Variants in RERE observed in about 807,000 individuals in gnomAD.
RERE encodes arginine-glutamic acid dipeptide repeats.
In RERE, 40 loss-of-function variants were observed where a neutral mutation model predicts 146.1. The observed-to-expected ratio is 0.27, with a 90% CI of 0.21 to 0.36. The LOEUF (loss-of-function observed/expected upper bound fraction) is 0.36, where lower values mean the gene tolerates loss of function less well. Among genes scored for constraint, RERE ranks in the 10% least tolerant of loss-of-function variants. The pLI is 1.00. For synonymous variants in RERE, 1,003 were observed against 866.0 expected (o/e 1.16, Z -2.78); for missense variants, 1,933 against 2,138.7 (o/e 0.90, Z 1.90).
intron 11 of RERE, among the ~76,000 whole-genome samples, chr1:8,441,334 C>T (rs537897890): frequency 2.0e-5 from 3 of 152,230 alleles, no homozygotes; most frequent in Non-Finnish European, 2.9e-5. Flanking sequence ...AAGGCACACG[C>T]TCCTGTGAGG....
chr1:8,661,785 G>GA (rs771646084), intron 1 of RERE, among the ~76,000 whole-genome samples: 9 of 152,184 alleles, frequency 5.9e-5, no homozygotes, highest in Admixed American at 1.3e-4. Flanking sequence ...AAGAAGCCTA[G>GA]AAAATCACAG....
Position 8,360,741 on chromosome 1 carries a change from G to C in RERE, c.2766C>G (p.Pro922=), listed in dbSNP as rs556444878. 5 of 1,598,726 alleles carry C rather than the reference G, an allele frequency of 3.1e-6. No homozygotes were observed. In the South Asian group the frequency reaches 5.6e-5, roughly 18 times the overall value. Residue 922 remains proline (P), a synonymous_variant, in exon 18 of 23, where the codon CCC becomes CCG. Transcript: ENST00000400908. ...PPREQPLPPA[P]LAMPHIKPPP... ...GGGGCTTGATGTGGGGCATGGCCAA[G>C]GGCGCTGGTGGCAGGGGCTGCTCCC...
chr1:8,615,614 T>C (rs1417222180), intron 3 of RERE, among the ~76,000 whole-genome samples: 1 of 152,188 alleles, frequency 6.6e-6, no homozygotes, highest in Non-Finnish European at 1.5e-5. Flanking sequence ...TGTCTTACGG[T>C]TGTCTAAAAA....
intron 7 of RERE, among the ~76,000 whole-genome samples, chr1:8,519,428 G>C (rs1366973535): frequency 2.0e-5 from 3 of 152,084 alleles, no homozygotes; most frequent in Admixed American, 2.0e-4. Flanking sequence ...GCAAGACCCT[G>C]TCGCTAATAA....
At chr1:8,707,708 C>A (rs191306025) in intron 1 of RERE, among the ~76,000 whole-genome samples, 22 of 152,292 alleles carry the variant, frequency 1.4e-4, no homozygotes, top group African/African-American at 5.1e-4. Context: ...CAAAAGTACA[C>A]CCCAACGTCA....
intron 1 of RERE, among the ~76,000 whole-genome samples, chr1:8,738,845 T>C (rs2124499208): frequency 6.6e-6 from 1 of 152,334 alleles, no homozygotes; most frequent in Non-Finnish European, 1.5e-5. Flanking sequence ...TACTGTCATC[T>C]TGTTCCTCAC....
chr1:8,536,016 G>C (rs1301496186), intron 7 of RERE, among the ~76,000 whole-genome samples: 1 of 150,350 alleles, frequency 6.7e-6, no homozygotes, highest in Non-Finnish European at 1.5e-5. Context: ...TGAGGCAGGA[G>C]AATTGCTTGA....
chr1:8,691,524 T>A (rs1208478799), intron 1 of RERE, among the ~76,000 whole-genome samples: 1 of 152,174 alleles, frequency 6.6e-6, no homozygotes, highest in East Asian at 1.9e-4. Flanking sequence ...AACATAGATC[T>A]AGGGCTCACC....
In RERE at chr1:8,495,118, T is replaced by C; in HGVS notation, c.1049A>G (p.Glu350Gly). The C allele has an allele frequency of 6.2e-7, 1 of 1,614,080 alleles. No homozygotes were observed. Among genetic ancestry groups the C allele is most frequent in the East Asian group, 2.2e-5 (1 of 44,872 alleles). The stretch of plus-strand genomic sequence containing the variant: ...CCGAGAGGCTGCGACACAGCCGTCC[T>C]CTGTAGAGCCTCCATCACACATTCC... ...FAGMCDGGST[E>G]DGCVAASRDD... The change falls in exon 10 of 23, where the codon GAG becomes GGG. Residue 350 changes from glutamate to glycine, a missense_variant. Around this residue, in one of 11 missense-constraint regions of RERE, gnomAD observed 260 missense variants for 378.4 expected, o/e 0.69. Transcript: ENST00000400908.
At chr1:8,504,374 C>A (rs1466994965) in intron 8 of RERE, among the ~76,000 whole-genome samples, 1 of 152,058 alleles carries the variant, frequency 6.6e-6, no homozygotes, top group Non-Finnish European at 1.5e-5. Flanking sequence ...CTCCTACTGG[C>A]CCAAAATGGA....
chr1:8,425,410 G>GTCTA (rs1643997314), intron 11 of RERE, among the ~76,000 whole-genome samples: 1 of 152,226 alleles, frequency 6.6e-6, no homozygotes, highest in Admixed American at 6.5e-5. Flanking sequence ...AGTGCAGCAA[G>GTCTA]GGACCCAAGA....
intron 11 of RERE, among the ~76,000 whole-genome samples, chr1:8,426,347 G>A (rs1256896413): frequency 6.6e-6 from 1 of 151,992 alleles, no homozygotes; most frequent in East Asian, 1.9e-4. Flanking sequence ...CCAGCTACTG[G>A]GGAGGCTGAG....
In RERE at chr1:8,423,740, C is replaced by CG. The variant is rs1643955231; in HGVS notation, c.1204-934dup. The CG allele has an allele frequency of 4.1e-6, 4 of 964,476 alleles. No individual in the cohort carries two copies. Among genetic ancestry groups the CG allele is most frequent in the Non-Finnish European group, 4.9e-6 (4 of 813,882 alleles). The allele number at this position is 964,476 out of a possible 1,614,324, so 59.7% of individuals were successfully genotyped here. A position where few individuals can be genotyped will look rare whatever the true frequency, so the allele number is the denominator to read the frequency against. ...CGGCGGGGCCGCGCGGCGCGGGGCCCGGGGGGCGCGGGGCTGGGGCCGCCG... is the reference window on the plus strand; with the variant it reads ...CGGCGGGGCCGCGCGGCGCGGGGCCCGGGGGGGCGCGGGGCTGGGGCCGCCG... On this transcript the variant is annotated intron_variant, in intron 11 of 22. Transcript: ENST00000400908. This position sits in a 1 kb window ranked among gnomAD's most constrained non-coding sequence, Gnocchi z 5.4.
In RERE at chr1:8,501,029, G is replaced by T. The variant is rs1645133955; in HGVS notation, c.880-3500C>A. On this transcript the variant is annotated intron_variant, in intron 8 of 22. Coordinates refer to ENST00000400908, the MANE Select transcript of RERE (RefSeq NM_001042681.2). ...CTCCGCCCGGCAGCCACCCCGTCCG[G>T]GAGGGGGGGGGGGGGTCAGCCCCCC... Among the ~76,000 whole-genome samples, 2 of 102,110 alleles carry T rather than the reference G, an allele frequency of 2.0e-5. 1 individual carries two copies. The highest frequency in any genetic ancestry group is 3.9e-5 in the Non-Finnish European group (2 of 51,616). 67.0% of individuals were successfully genotyped at this position (102,110 alleles called of 152,430 possible).
chr1:8,411,823 C>T (rs1191320648), intron 12 of RERE, among the ~76,000 whole-genome samples: 1 of 152,044 alleles, frequency 6.6e-6, no homozygotes, highest in Non-Finnish European at 1.5e-5. Flanking sequence ...TAGTTTGCCC[C>T]CAGTTCACTG....
At chr1:8,810,831 A>G (rs1017653759) in intron 1 of RERE, among the ~76,000 whole-genome samples, 6 of 152,166 alleles carry the variant, frequency 3.9e-5, no homozygotes, top group Admixed American at 3.3e-4. Context: ...TTCACCCCAC[A>G]CTTAAAATAC....
At chr1:8,766,218 A>G (rs935511639) in intron 1 of RERE, among the ~76,000 whole-genome samples, 13 of 152,204 alleles carry the variant, frequency 8.5e-5, no homozygotes, top group African/African-American at 3.1e-4. Context: ...GAACATGCCA[A>G]CTGGTTTGGA....
intron 1 of RERE, among the ~76,000 whole-genome samples, chr1:8,720,988 G>A (rs536611313): frequency 8.7e-4 from 130 of 149,780 alleles, no homozygotes; most frequent in Admixed American, 2.0e-3. Context: ...CCCAGGAGGC[G>A]GAGGTTGCAG....
At chr1:8,645,579 G>A (rs185256557) in intron 2 of RERE, among the ~76,000 whole-genome samples, 2 of 152,266 alleles carry the variant, frequency 1.3e-5, no homozygotes, top group Admixed American at 6.5e-5. Flanking sequence ...CATGGATTTT[G>A]ATTCAGCAGA....
Sources: allele counts gnomAD v4.1 joint callset (sites outside exome capture counted in the v4.1 genomes callset), GRCh38; gene constraint gnomAD v4.1.1; regional missense constraint gnomAD v4.1.1; non-coding constraint Gnocchi (gnomAD v3.1); transcripts MANE v1.5; gene names NCBI Gene and HGNC (gene_info 2026-07-23, HGNC 2026-07-21).